Variants in KIF26A observed in about 807,000 individuals in gnomAD.
KIF26A encodes kinesin-like protein KIF26A.
Under a neutral mutation model 126.0 loss-of-function variants are expected in KIF26A, and 74 were observed. The ratio of observed to expected loss-of-function variants is 0.59; its 90% CI spans 0.49 to 0.71. KIF26A has a LOEUF of 0.71. Among genes scored for constraint, KIF26A ranks in the 30% least tolerant of loss-of-function variants. The probability of loss-of-function intolerance (pLI) is 0.00; values close to 1 mark genes in which losing one functional copy is unlikely to be tolerated. For synonymous variants in KIF26A, 1,445 were observed against 1,232.7 expected (o/e 1.17, Z -3.61); for missense variants, 2,984 against 2,763.3 (o/e 1.08, Z -1.79).
At position 104,171,780 on chromosome 14, in the gene KIF26A, A is replaced by T. The variant is rs1244890198; in HGVS notation, c.1171A>T (p.Met391Leu). ...AQGAQRSAEA[M>L]SFLKVDPRKK... ...GGGGGCCCAGCGCTCGGCCGAGGCC[A>T]TGTCCTTCCTGAAGGTGGACCCTCG... is the stretch of plus-strand genomic sequence containing the variant. Residue 391 changes from methionine (M) to leucine (L), a missense_variant, in exon 6 of 15, where the codon ATG becomes TTG. Transcript: ENST00000423312. 6.3e-7 allele frequency: 1 copy of T among 1,578,238 alleles called. No individual in the cohort carries two copies. The highest frequency in any genetic ancestry group is 2.3e-5 in the East Asian group (1 of 42,876).
At position 104,139,116 on chromosome 14, in the gene KIF26A, G is replaced by A. The variant is rs1439948786; in HGVS notation, c.116G>A (p.Gly39Glu). 2.7e-6 allele frequency: 4 copies of A among 1,484,530 alleles called. No homozygotes were observed. The highest frequency in any genetic ancestry group is 3.6e-6 in the Non-Finnish European group (4 of 1,119,004). The allele number at this position is 1,484,530 out of a possible 1,614,324, so 92.0% of individuals were successfully genotyped here. The change falls in exon 2 of 15, where the codon GGG (glycine) becomes GAG (glutamate). Residue 39 changes from glycine to glutamate, a missense_variant. Gly to Glu is a moderately conservative substitution (Grantham distance 98). Coordinates refer to ENST00000423312, the MANE Select transcript of KIF26A (RefSeq NM_015656.2). ...EVSPRKRLPA[G>E]PDQDPCGSRP... ...TCCCCCCGAAAGAGGCTACCCGCCG[G>A]GCCCGACCAGGACCCATGCGGCAGC...
chr14:104,153,026 G>T (rs2141095955), intron 3 of KIF26A, among the ~76,000 whole-genome samples: 1 of 152,300 alleles, frequency 6.6e-6, no homozygotes, highest in Non-Finnish European at 1.5e-5. Flanking sequence ...ACCAGCACAA[G>T]CTCGCCCTTC....
At chr14:104,179,410 C>T in intron 14 of KIF26A, 24 bp downstream of exon 14, 1 of 1,473,804 alleles carries the variant, frequency 6.8e-7, no homozygotes, top group Non-Finnish European at 9.0e-7. Flanking sequence ...GCCCACGGAC[C>T]CAGCCCGGCC....
rs375827956 is a variant in KIF26A at position 104,157,775 on chromosome 14, C to T, written c.756C>T (p.Ala252=). 13 of 1,610,630 alleles carry T rather than the reference C, an allele frequency of 8.1e-6. No individual in the cohort carries two copies. The highest frequency in any genetic ancestry group is 4.4e-5 in the South Asian group (4 of 90,890). The change falls in exon 4 of 15, where the codon GCC becomes GCT. Residue 252 remains alanine (A), a synonymous_variant. Transcript: ENST00000423312. ...TCCAGGCCGAGGCAGCGGTGGCGGC[C>T]GTGGCGGTGGCAGACACGGTCCGAG... is the stretch of plus-strand genomic sequence containing the variant. ...PACLAEAAVA[A]VAVADTVREC...
At position 104,176,418 on chromosome 14, in the gene KIF26A, C is replaced by T; in HGVS notation, c.3630C>T (p.Leu1210=). 1 of 1,593,104 alleles carries T rather than the reference C, an allele frequency of 6.3e-7. No individual in the cohort carries two copies. The highest frequency in any genetic ancestry group is 8.6e-7 in the Non-Finnish European group (1 of 1,166,908). Residue 1210 remains leucine, a synonymous_variant, in exon 12 of 15, where the codon CTC becomes CTT. Transcript: ENST00000423312. ...CAGCCCAGACCATCCACTCCAGCCTCCCCCGGAAACCGAGGACTGCCTCTG... is the reference window on the plus strand; with the variant it reads ...CAGCCCAGACCATCCACTCCAGCCTTCCCCGGAAACCGAGGACTGCCTCTG... ...ASAAQTIHSS[L]PRKPRTASAT... is the part of the protein sequence containing the mutation.
At chr14:104,150,200 CCCACCCCCTCCT>C (rs2037715188) in intron 2 of KIF26A, among the ~76,000 whole-genome samples, 1 of 114,898 alleles carries the variant, frequency 8.7e-6, no homozygotes, top group Non-Finnish European at 2.0e-5. Context: ...ATCCCCCTCC[CCCACCCCCTCCT>C]CCTCCTCCTC....
intron 11 of KIF26A, 96 bp downstream of exon 11, chr14:104,174,406 G>A: frequency 7.8e-7 from 1 of 1,280,502 alleles, no homozygotes; most frequent in Middle Eastern, 2.8e-4. Context: ...GGGGTCAGCA[G>A]GTGGCCTGGA....
chr14:104,143,365 G>A (rs938736438), intron 2 of KIF26A, among the ~76,000 whole-genome samples: 1 of 152,196 alleles, frequency 6.6e-6, no homozygotes, highest in African/African-American at 2.4e-5. Context: ...CCCTCCTACC[G>A]CTCTGTGTGG....
rs758561040 is a variant in KIF26A at position 104,152,461 on chromosome 14, G to C, written c.735G>C (p.Leu245=). 2 of 1,563,462 alleles carry C rather than the reference G, an allele frequency of 1.3e-6. No individual in the cohort carries two copies. Among genetic ancestry groups the C allele is most frequent in the South Asian group, 1.2e-5 (1 of 84,150 alleles). The change falls in exon 3 of 15, where the codon CTG becomes CTC. Residue 245 remains leucine, a splice_region_variant and synonymous_variant. Transcript: ENST00000423312. This position sits in a 1 kb window ranked among gnomAD's most constrained non-coding sequence, Gnocchi z 5.9. ...RVNSFLPPAC[L]AEAAVAAVAV... ...ACAGCTTCCTCCCGCCGGCGTGCCTGGTGAGTGTCTTGCTCAGCGGATGGG... is the reference window on the plus strand; with the variant it reads ...ACAGCTTCCTCCCGCCGGCGTGCCTCGTGAGTGTCTTGCTCAGCGGATGGG...
rs202231097 is a variant in KIF26A, at chr14:104,177,259, C to T, written c.4471C>T (p.Pro1491Ser). The part of the protein sequence containing the change: ...RSGAAKAVGA[P>S]KPPVGGGKGR... Reference sequence around the variant, plus strand: ...CGGCGCAGCCAAGGCTGTGGGGGCCCCCAAGCCCCCTGTTGGTGGAGGCAA... The same window carrying T: ...CGGCGCAGCCAAGGCTGTGGGGGCCTCCAAGCCCCCTGTTGGTGGAGGCAA... Residue 1491 changes from proline (P) to serine (S), a missense_variant, in exon 12 of 15, where the codon CCC becomes TCC. Transcript: ENST00000423312. 881 of 1,595,490 alleles carry T rather than the reference C, an allele frequency of 5.5e-4. 9 individuals carry two copies. The East Asian group carries it at 0.017, about 30-fold the overall frequency.
chr14:104,176,040 C>G lies in KIF26A; in HGVS notation c.3252C>G (p.Asp1084Glu), dbSNP rs373679220. ...SIISSINDEF[D>E]AYTSQAPEGG... The stretch of plus-strand genomic sequence containing the variant: ...TCAGCAGCATCAATGATGAGTTTGA[C>G]GCCTACACCTCTCAGGCCCCTGAGG... The change falls in exon 12 of 15, where the codon GAC becomes GAG. Residue 1084 changes from aspartate to glutamate, a missense_variant. Coordinates refer to ENST00000423312, the MANE Select transcript of KIF26A (RefSeq NM_015656.2). 2 of 1,594,990 alleles carry G rather than the reference C, an allele frequency of 1.3e-6. No homozygotes were observed. Among genetic ancestry groups the G allele is most frequent in the African/African-American group, 2.7e-5 (2 of 74,722 alleles).
chr14:104,158,060 G>T, intron 4 of KIF26A, 118 bp downstream of exon 4: 2 of 978,280 alleles, frequency 2.0e-6, no homozygotes, highest in Non-Finnish European at 2.8e-6. Flanking sequence ...CTGCTGAGAC[G>T]AGTGGATGGG....
At chr14:104,143,592 G>A (rs2037656061) in intron 2 of KIF26A, among the ~76,000 whole-genome samples, 1 of 152,234 alleles carries the variant, frequency 6.6e-6, no homozygotes, top group South Asian at 2.1e-4. Flanking sequence ...GTGATTTGGG[G>A]GTCCCAGGTC....
chr14:104,163,484 G>A (rs1200760274), intron 4 of KIF26A, among the ~76,000 whole-genome samples: 1 of 152,118 alleles, frequency 6.6e-6, no homozygotes, highest in Non-Finnish European at 1.5e-5. Context: ...GGGCAGTTGT[G>A]AGGTTTACAG....
At position 104,175,673 on chromosome 14, in the gene KIF26A, G is replaced by A; in HGVS notation, c.2885G>A (p.Cys962Tyr). 6.2e-7 allele frequency: 1 copy of A among 1,607,014 alleles called. No individual in the cohort carries two copies. The highest frequency in any genetic ancestry group is 8.5e-7 in the Non-Finnish European group (1 of 1,177,928). The change falls in exon 12 of 15, where the codon TGC becomes TAC. Residue 962 changes from cysteine to tyrosine, a missense_variant. Cys to Tyr is a radical substitution (Grantham distance 194). Transcript: ENST00000423312. The part of the protein sequence containing the change: ...APPPPQLLEA[C>Y]RAPEEPGGGG... ...CCACCTCCTCAGTTGCTGGAAGCCT[G>A]CAGAGCCCCAGAAGAGCCTGGGGGA...
intron 2 of KIF26A, among the ~76,000 whole-genome samples, chr14:104,150,123 GGTCCCCCTCCCC>G (rs1235054852): frequency 2.1e-4 from 22 of 102,944 alleles, no homozygotes; most frequent in African/African-American, 7.0e-4. Flanking sequence ...TCCCCCTCCT[GGTCCCCCTCCCC>G]GTCCCCCTCC....
chr14:104,170,445 AGGTGCCGCCT>A (rs1425592712), intron 5 of KIF26A, among the ~76,000 whole-genome samples: 1 of 152,246 alleles, frequency 6.6e-6, no homozygotes, highest in Non-Finnish European at 1.5e-5. Flanking sequence ...CAGGGGGAGT[AGGTGCCGCCT>A]GGTGCGAACT....
At position 104,177,222 on chromosome 14, in the gene KIF26A, C is replaced by G; in HGVS notation, c.4434C>G (p.Pro1478=). Residue 1478 remains proline (P), a synonymous_variant, in exon 12 of 15, where the codon CCC becomes CCG. Coordinates refer to ENST00000423312, the MANE Select transcript of KIF26A (RefSeq NM_015656.2). ...CCAGCCCCACACACGGTCCAGCTCC[C>G]GCCTGTAGGAGCGGCGCAGCCAAGG... is the stretch of plus-strand genomic sequence containing the variant. ...PPSSPTHGPA[P]ACRSGAAKAV... is the part of the protein sequence containing the mutation. 1 of 1,596,504 alleles carries G rather than the reference C, an allele frequency of 6.3e-7. No homozygotes were observed. The highest frequency in any genetic ancestry group is 8.5e-7 in the Non-Finnish European group (1 of 1,176,194).
chr14:104,151,980 G>T lies in KIF26A; in HGVS notation c.289-35G>T, dbSNP rs776807285. The T allele has an allele frequency of 6.2e-7, 1 of 1,602,196 alleles. No homozygotes were observed. The highest frequency in any genetic ancestry group is 8.5e-7 in the Non-Finnish European group (1 of 1,170,624). ...CTGGGTGCCGGCCCTCCCTCCCCAG[G>T]CACTGACCCTGCCTTTGTCCCTTGC... On this transcript the variant is annotated intron_variant, in intron 2 of 14. Transcript: ENST00000423312. The surrounding 1 kb of genome is among the most constrained non-coding windows in gnomAD (Gnocchi z 4.9).
Sources: allele counts gnomAD v4.1 joint callset (sites outside exome capture counted in the v4.1 genomes callset), GRCh38; gene constraint gnomAD v4.1.1; non-coding constraint Gnocchi (gnomAD v3.1); transcripts MANE v1.5; gene names NCBI Gene and HGNC (gene_info 2026-07-23, HGNC 2026-07-21).